Variants in NHSL3 observed in about 807,000 individuals in gnomAD.
The protein encoded by NHSL3 is NHS like 3, also known as NHS-like protein 3.
chr1:32,762,066 C>T, the NHSL3 span, among the ~76,000 whole-genome samples: 12 of 152,164 alleles, frequency 7.9e-5, no homozygotes, highest in Admixed American at 7.9e-4. Flanking sequence ...TCCATTTCCT[C>T]ATCTATAAAA....
chr1:32,769,016 C>A, the NHSL3 span: 1 of 379,056 alleles, frequency 2.6e-6, no homozygotes, highest in Non-Finnish European at 4.8e-6. Context: ...TTTGGGAGGT[C>A]GAGGTGGGCG....
At chr1:32,765,539 C>A in the NHSL3 span, 19 of 1,256,582 alleles carry the variant, frequency 1.5e-5, no homozygotes, top group Middle Eastern at 2.8e-4. Flanking sequence ...CTTTCTGTGC[C>A]CCTGCACCCC....
the NHSL3 span, chr1:32,774,059 A>C: frequency 6.6e-6 from 1 of 152,562 alleles, no homozygotes; most frequent in Non-Finnish European, 1.5e-5. Context: ...AGCCTCTCTT[A>C]CTGTACTCTC....
the NHSL3 span, chr1:32,771,483 C>T: frequency 1.3e-6 from 2 of 1,580,010 alleles, no homozygotes; most frequent in Non-Finnish European, 1.7e-6. Flanking sequence ...AAGATCCCAA[C>T]TGGCCCCCTC....
At chr1:32,765,596 GGGA>G in the NHSL3 span, 4 of 1,495,898 alleles carry the variant, frequency 2.7e-6, no homozygotes, top group Non-Finnish European at 3.6e-6. Flanking sequence ...TGGCGAAGGT[GGGA>G]GGAGGACATG....
the NHSL3 span, among the ~76,000 whole-genome samples, chr1:32,748,740 TA>T: frequency 6.6e-6 from 1 of 152,266 alleles, no homozygotes; most frequent in Admixed American, 6.5e-5. Context: ...ACCAATGTAA[TA>T]GGGGCGGAGT....
the NHSL3 span, among the ~76,000 whole-genome samples, chr1:32,742,843 C>G: frequency 6.6e-6 from 1 of 152,252 alleles, no homozygotes; most frequent in Non-Finnish European, 1.5e-5. Flanking sequence ...TCTTCCAGCC[C>G]TGGAGAAACA....
the NHSL3 span, among the ~76,000 whole-genome samples, chr1:32,761,084 C>G: frequency 2.6e-5 from 4 of 152,190 alleles, no homozygotes; most frequent in African/African-American, 9.7e-5. Flanking sequence ...CCTCCTCCCC[C>G]AGGCATGTTG....
the NHSL3 span, chr1:32,772,146 T>A: frequency 3.7e-5 from 60 of 1,613,298 alleles, no homozygotes; most frequent in East Asian, 1.3e-3. Flanking sequence ...CCGTGTCCCC[T>A]GAGACCCAGG....
At chr1:32,751,651 G>A in the NHSL3 span, among the ~76,000 whole-genome samples, 2 of 152,138 alleles carry the variant, frequency 1.3e-5, no homozygotes, top group Non-Finnish European at 1.5e-5. Context: ...GGGGAAGAGG[G>A]GGTGCAAGGA....
chr1:32,742,167 G>C, the NHSL3 span: 1 of 1,247,658 alleles, frequency 8.0e-7, no homozygotes, highest in Non-Finnish European at 1.0e-6. Context: ...ACAAGGCCAA[G>C]AGGGCCAAGG....
At chr1:32,757,557 C>T in the NHSL3 span, among the ~76,000 whole-genome samples, 18 of 152,220 alleles carry the variant, frequency 1.2e-4, no homozygotes, top group South Asian at 3.7e-3. Context: ...CCAGAGGGAG[C>T]TGTGTGGGCT....
chr1:32,747,657 A>G, the NHSL3 span, among the ~76,000 whole-genome samples: 2 of 151,600 alleles, frequency 1.3e-5, no homozygotes, highest in African/African-American at 4.8e-5. Context: ...AGTGGCCTGG[A>G]TGTCATAGGA....
chr1:32,743,991 C>A, the NHSL3 span, among the ~76,000 whole-genome samples: 1 of 152,188 alleles, frequency 6.6e-6, no homozygotes, highest in Non-Finnish European at 1.5e-5. Flanking sequence ...ACCTGCCTGG[C>A]CCAACTTCTT....
At chr1:32,772,475 G>A in the NHSL3 span, 1 of 1,506,750 alleles carries the variant, frequency 6.6e-7, no homozygotes, top group Admixed American at 2.3e-5. Flanking sequence ...AGGTCCCATT[G>A]CTGATGATGG....
the NHSL3 span, chr1:32,765,910 G>A: frequency 1.5e-6 from 2 of 1,358,132 alleles, no homozygotes; most frequent in African/African-American, 1.4e-5. Context: ...AGGAATCAAG[G>A]CTGGGCAAAA....
At chr1:32,747,703 C>T in the NHSL3 span, among the ~76,000 whole-genome samples, 1 of 152,098 alleles carries the variant, frequency 6.6e-6, no homozygotes, top group East Asian at 1.9e-4. Context: ...TGGCTCACAC[C>T]TGTAATCCCA....
chr1:32,771,251 C>G, the NHSL3 span: 15,233 of 1,612,966 alleles, frequency 9.4e-3, 122 homozygotes, highest in Middle Eastern at 0.046. Flanking sequence ...GCCGCCCCTG[C>G]TGTGGTTCCT....
the NHSL3 span, chr1:32,772,571 C>A: frequency 7.2e-7 from 1 of 1,395,090 alleles, no homozygotes; most frequent in Non-Finnish European, 9.4e-7. Flanking sequence ...GAAGGGCAAG[C>A]TGTCACCCTT....
Sources: allele counts gnomAD v4.1 joint callset (sites outside exome capture counted in the v4.1 genomes callset), GRCh38; gene constraint gnomAD v4.1.1; transcripts MANE v1.5; gene names NCBI Gene and HGNC (gene_info 2026-07-23, HGNC 2026-07-21).